Variants in PPP1R9A observed in about 807,000 individuals in gnomAD.
PPP1R9A encodes the protein neurabin-1.
A neutral mutation model predicts 141.9 loss-of-function variants in PPP1R9A; 59 were observed. The ratio of observed to expected loss-of-function variants is 0.42; its 90% CI spans 0.34 to 0.52. The LOEUF (loss-of-function observed/expected upper bound fraction) is 0.52. Among genes scored for constraint, PPP1R9A ranks in the 20% least tolerant of loss-of-function variants. The pLI, the probability that PPP1R9A is intolerant of heterozygous loss-of-function variation, is 0.10. For missense variants in PPP1R9A, 1,444 were observed against 1,611.9 expected, an observed-to-expected ratio of 0.90 and a Z score of 1.78; for synonymous variants, 500 against 569.7, an observed-to-expected ratio of 0.88 and a Z score of 1.74.
At chr7:95,146,381 A>G (rs528881062) in intron 4 of PPP1R9A, among the ~76,000 whole-genome samples, 36 of 152,234 alleles carry the variant, frequency 2.4e-4, no homozygotes, top group African/African-American at 7.0e-4. Flanking sequence ...AGTTCTTTGT[A>G]GATTCTGGAT....
rs115357628 is a variant in PPP1R9A at position 94,987,790 on chromosome 7, T to C, written c.1395+76282T>C. On this transcript the variant is annotated intron_variant, in intron 2 of 19. Coordinates refer to ENST00000433360, the MANE Select transcript of PPP1R9A (RefSeq NM_001166160.2). ...AAACATGTTTAGAATAGTTGTTAGCTTATTTGCTAACTTACTATTATTGTT... is the reference window on the plus strand; with the variant it reads ...AAACATGTTTAGAATAGTTGTTAGCCTATTTGCTAACTTACTATTATTGTT... Among the ~76,000 whole-genome samples the C allele has an allele frequency of 2.4e-3, 364 of 152,280 alleles. 1 individual carries two copies. Among genetic ancestry groups the C allele is most frequent in the African/African-American group, 8.1e-3 (337 of 41,582 alleles).
In PPP1R9A at chr7:94,910,585, C is replaced by T. The variant is rs145318043; in HGVS notation, c.472C>T (p.Arg158Cys). 43 of 1,613,972 alleles carry T rather than the reference C, an allele frequency of 2.7e-5. No homozygotes were observed. The highest frequency in any genetic ancestry group is 1.6e-4 in the East Asian group (7 of 44,878). ...RSVHESGQNN[R>C]YSPKKEKAGG... ...TGTGCATGAATCAGGACAGAACAAC[C>T]GCTATTCCCCAAAGAAAGAGAAAGC... Residue 158 changes from arginine (R) to cysteine (C), a missense_variant, in exon 2 of 20, where the codon CGC becomes TGC. Around this residue, in one of 5 missense-constraint regions of PPP1R9A, gnomAD observed 490 missense variants for 521.1 expected, o/e 0.94. Coordinates refer to ENST00000433360, the MANE Select transcript of PPP1R9A (RefSeq NM_001166160.2). The surrounding 1 kb of genome is among the most constrained non-coding windows in gnomAD (Gnocchi z 4.5).
intron 16 of PPP1R9A, among the ~76,000 whole-genome samples, chr7:95,278,332 A>G (rs1337414005): frequency 1.3e-5 from 2 of 152,234 alleles, no homozygotes; most frequent in African/African-American, 4.8e-5. Flanking sequence ...GAACAAAAAG[A>G]ACATAAAATA....
At chr7:95,173,190 A>G (rs1832391070) in intron 5 of PPP1R9A, among the ~76,000 whole-genome samples, 2 of 151,916 alleles carry the variant, frequency 1.3e-5, no homozygotes, top group Admixed American at 1.3e-4. Flanking sequence ...CAAATACCTT[A>G]TATTCTCATA....
chr7:95,242,741 T>G (rs1797629239), intron 8 of PPP1R9A, among the ~76,000 whole-genome samples: 1 of 152,078 alleles, frequency 6.6e-6, no homozygotes, highest in Non-Finnish European at 1.5e-5. Context: ...GAGATGAAAA[T>G]GATGGTCTTG....
intron 2 of PPP1R9A, among the ~76,000 whole-genome samples, chr7:95,099,678 AATACTAT>A (rs1287331934): frequency 2.0e-5 from 3 of 152,210 alleles, no homozygotes; most frequent in Non-Finnish European, 2.9e-5. Flanking sequence ...TTTTCTAGGC[AATACTAT>A]ACCTTAAAAT....
At chr7:95,147,079 T>C (rs1330867235) in intron 4 of PPP1R9A, among the ~76,000 whole-genome samples, 1 of 152,204 alleles carries the variant, frequency 6.6e-6, no homozygotes, top group Non-Finnish European at 1.5e-5. Context: ...TGTAAATTAC[T>C]TTGGACAGTA....
chr7:95,043,183 G>A lies in PPP1R9A; in HGVS notation c.1396-68076G>A, dbSNP rs188884355. Among the ~76,000 whole-genome samples the A allele has an allele frequency of 2.3e-3, 350 of 152,236 alleles. 1 individual carries two copies. Among genetic ancestry groups the A allele is most frequent in the African/African-American group, 8.3e-3 (344 of 41,556 alleles). Reference sequence around the variant, plus strand: ...GAGATTTCAAATTAAATTCTAGAGAGACTTAAATTCCCCTTGAGTTTTCTT... The same window carrying A: ...GAGATTTCAAATTAAATTCTAGAGAAACTTAAATTCCCCTTGAGTTTTCTT... On this transcript the variant is annotated intron_variant, in intron 2 of 19. Coordinates refer to ENST00000433360, the MANE Select transcript of PPP1R9A (RefSeq NM_001166160.2).
At chr7:95,241,399 G>A (rs1184195124) in intron 8 of PPP1R9A, among the ~76,000 whole-genome samples, 1 of 152,126 alleles carries the variant, frequency 6.6e-6, no homozygotes, top group Non-Finnish European at 1.5e-5. Context: ...CAGTGAGGGT[G>A]GTACAAAGTG....
intron 2 of PPP1R9A, among the ~76,000 whole-genome samples, chr7:95,069,957 G>C (rs1158944014): frequency 1.3e-5 from 2 of 152,084 alleles, no homozygotes; most frequent in African/African-American, 2.4e-5. Context: ...ACAGTAAACT[G>C]ATCTCTTCTT....
chr7:95,195,686 A>G (rs557828839), intron 5 of PPP1R9A, among the ~76,000 whole-genome samples: 16 of 152,278 alleles, frequency 1.1e-4, no homozygotes, highest in Non-Finnish European at 1.8e-4. Flanking sequence ...TTAAATGCAT[A>G]AACACCTACA....
At chr7:95,017,401 A>G (rs959103833) in intron 2 of PPP1R9A, among the ~76,000 whole-genome samples, 1 of 152,150 alleles carries the variant, frequency 6.6e-6, no homozygotes, top group Non-Finnish European at 1.5e-5. Context: ...CATAATTGCA[A>G]ACTACAAGGT....
chr7:94,930,243 CA>C (rs1793986934), intron 2 of PPP1R9A, among the ~76,000 whole-genome samples: 1 of 152,088 alleles, frequency 6.6e-6, no homozygotes, highest in Non-Finnish European at 1.5e-5. Flanking sequence ...GGGGGAGCCC[CA>C]CATTTTGGAG....
intron 8 of PPP1R9A, among the ~76,000 whole-genome samples, chr7:95,241,161 C>T (rs140924539): frequency 6.6e-6 from 1 of 152,290 alleles, no homozygotes; most frequent in East Asian, 1.9e-4. Context: ...CCAGTCTTCA[C>T]TGCTAGCAAG....
chr7:94,966,864 T>C (rs1198432901), intron 2 of PPP1R9A, among the ~76,000 whole-genome samples: 4 of 152,164 alleles, frequency 2.6e-5, no homozygotes, highest in African/African-American at 7.2e-5. Flanking sequence ...CTTTTTCTGT[T>C]GTTTGAAATA....
chr7:95,186,092 T>C (rs112158572), intron 5 of PPP1R9A, among the ~76,000 whole-genome samples: 9,376 of 152,180 alleles, frequency 0.062, 581 homozygotes, highest in East Asian at 0.36. Context: ...AGGAATTGCA[T>C]TGAATTTGTA....
intron 19 of PPP1R9A, among the ~76,000 whole-genome samples, chr7:95,289,350 C>T (rs894629018): frequency 6.6e-6 from 1 of 152,180 alleles, no homozygotes; most frequent in African/African-American, 2.4e-5. Flanking sequence ...GGCTGACGGG[C>T]AGACGAGTAT....
chr7:95,020,514 A>T (rs1275963088), intron 2 of PPP1R9A, among the ~76,000 whole-genome samples: 1 of 152,086 alleles, frequency 6.6e-6, no homozygotes, highest in Non-Finnish European at 1.5e-5. Context: ...CAGCACGTGC[A>T]GGTTTGTTAC....
chr7:95,068,813 A>G (rs1314133250), intron 2 of PPP1R9A, among the ~76,000 whole-genome samples: 1 of 152,164 alleles, frequency 6.6e-6, no homozygotes, highest in Non-Finnish European at 1.5e-5. Flanking sequence ...TAGGCCCAGC[A>G]GTCAGGTACT....
Sources: allele counts gnomAD v4.1 joint callset (sites outside exome capture counted in the v4.1 genomes callset), GRCh38; gene constraint gnomAD v4.1.1; regional missense constraint gnomAD v4.1.1; non-coding constraint Gnocchi (gnomAD v3.1); transcripts MANE v1.5; gene names NCBI Gene and HGNC (gene_info 2026-07-23, HGNC 2026-07-21).